The following TENM3 variants were observed in gnomAD, a reference collection of about 807,000 sequenced individuals.
TENM3 encodes the protein teneurin transmembrane protein 3, also known as teneurin-3.
TENM3 carries 63 observed loss-of-function variants against 255.1 expected under a neutral mutation model. That is an observed-to-expected ratio of 0.25 (90% confidence interval 0.20 to 0.30). The LOEUF (loss-of-function observed/expected upper bound fraction) is 0.30. Ranked by LOEUF, TENM3 falls within the 10% of genes least tolerant of loss-of-function variation. The pLI is 1.00. For missense variants in TENM3, 2,929 were observed against 3,461.1 expected, an observed-to-expected ratio of 0.85 and a Z score of 3.86; for synonymous variants, 1,306 against 1,322.3, an observed-to-expected ratio of 0.99 and a Z score of 0.27.
intron 2 of TENM3, among the ~76,000 whole-genome samples, chr4:182,335,494 CAAAAAAAAA>C (rs372965020): frequency 7.6e-5 from 4 of 52,400 alleles, no homozygotes; most frequent in Admixed American, 2.8e-4. Flanking sequence ...GACTCCGCCT[CAAAAAAAAA>C]AAAAAAAAAA....
chr4:181,746,268 AGAGT>A, the TENM3 span, among the ~76,000 whole-genome samples: 1 of 152,136 alleles, frequency 6.6e-6, no homozygotes, highest in Non-Finnish European at 1.5e-5. Flanking sequence ...TGGTTAAAGA[AGAGT>A]GGAGGAGGCT....
At chr4:182,452,204 C>A (rs1252633261) in intron 3 of TENM3, among the ~76,000 whole-genome samples, 1 of 152,124 alleles carries the variant, frequency 6.6e-6, no homozygotes, top group African/African-American at 2.4e-5. Context: ...ATAGGATGTT[C>A]TTCCTTAAGG....
At chr4:181,903,862 G>T in the TENM3 span, among the ~76,000 whole-genome samples, 1 of 152,068 alleles carries the variant, frequency 6.6e-6, no homozygotes, top group African/African-American at 2.4e-5. Flanking sequence ...GTGACCCAGG[G>T]CTCAATCCTC....
intron 1 of TENM3, among the ~76,000 whole-genome samples, chr4:182,160,065 C>G (rs990195840): frequency 7.4e-5 from 11 of 149,268 alleles, no homozygotes; most frequent in Admixed American, 2.0e-4. Context: ...TGCAGCGGTG[C>G]GATCTCGGCT....
intron 22 of TENM3, among the ~76,000 whole-genome samples, chr4:182,755,796 C>T (rs888479132): frequency 2.6e-5 from 4 of 151,266 alleles, no homozygotes; most frequent in East Asian, 2.0e-4. Flanking sequence ...GCCGAGATCG[C>T]GCCACTGCAC....
chr4:181,964,061 C>T, the TENM3 span, among the ~76,000 whole-genome samples: 69 of 147,274 alleles, frequency 4.7e-4, no homozygotes, highest in Middle Eastern at 0.014. Flanking sequence ...AAGCAATGAC[C>T]TTCCGATTTT....
At chr4:182,498,319 G>T (rs1016182172) in intron 3 of TENM3, among the ~76,000 whole-genome samples, 14 of 152,072 alleles carry the variant, frequency 9.2e-5, no homozygotes, top group African/African-American at 3.4e-4. Flanking sequence ...ATTTAGCTCA[G>T]AAATTAAGGC....
the TENM3 span, among the ~76,000 whole-genome samples, chr4:182,025,264 G>A: frequency 2.6e-5 from 4 of 152,174 alleles, no homozygotes; most frequent in African/African-American, 4.8e-5. Context: ...TCCTGACCTC[G>A]TGATCCGCCT....
At chr4:182,153,014 T>C (rs13115847) in intron 1 of TENM3, among the ~76,000 whole-genome samples, 44,645 of 151,596 alleles carry the variant, frequency 0.29, 7,273 homozygotes, top group African/African-American at 0.41. Context: ...TAAAGAAACC[T>C]TAATAATTTA....
chr4:181,603,951 G>T, the TENM3 span, among the ~76,000 whole-genome samples: 1 of 152,202 alleles, frequency 6.6e-6, no homozygotes, highest in Non-Finnish European at 1.5e-5. Context: ...TTCGTTAACA[G>T]ATAGGAAGGC....
intron 3 of TENM3, among the ~76,000 whole-genome samples, chr4:182,463,174 A>G (rs960073066): frequency 6.6e-6 from 1 of 152,170 alleles, no homozygotes; most frequent in African/African-American, 2.4e-5. Flanking sequence ...AGAAAAATGA[A>G]AATTTTAATT....
the TENM3 span, among the ~76,000 whole-genome samples, chr4:181,559,118 T>C: frequency 6.6e-6 from 1 of 152,050 alleles, no homozygotes; most frequent in Non-Finnish European, 1.5e-5. Flanking sequence ...TGATATACAA[T>C]TCCAGTGAGT....
chr4:182,642,165 C>T (rs1212008035), intron 5 of TENM3, among the ~76,000 whole-genome samples: 4 of 152,194 alleles, frequency 2.6e-5, no homozygotes, highest in East Asian at 1.9e-4. Flanking sequence ...GGCAGCTGAT[C>T]GTGACGGTTA....
intron 3 of TENM3, among the ~76,000 whole-genome samples, chr4:182,484,850 A>C (rs1403151234): frequency 2.0e-5 from 3 of 152,176 alleles, no homozygotes; most frequent in African/African-American, 7.2e-5. Context: ...CTTGTTAAAA[A>C]ATTCAGTACA....
chr4:182,346,988 G>A, intron 3 of TENM3, 59 bp downstream of exon 3: 1 of 953,412 alleles, frequency 1.0e-6, no homozygotes, highest in East Asian at 4.4e-5. Flanking sequence ...TGTTTTGGTT[G>A]ACTCCGCGGG....
rs535311481 is a variant in TENM3, at chr4:182,443,588, C to G, written c.511+96659C>G. On this transcript the variant is annotated intron_variant, in intron 3 of 27. Coordinates refer to ENST00000511685, the MANE Select transcript of TENM3 (RefSeq NM_001080477.4). ...CCTGCCTCTCTCCTGCTCTCACCAC[C>G]AGGTAGGAATGATGTCCCTACCTCA... Among the ~76,000 whole-genome samples the G allele has an allele frequency of 3.4e-4, 52 of 152,272 alleles. 1 individual carries two copies. The South Asian group carries it at 0.011, about 32-fold the overall frequency.
the TENM3 span, among the ~76,000 whole-genome samples, chr4:181,718,005 C>CATCAGATAACT: frequency 2.0e-5 from 3 of 152,158 alleles, no homozygotes; most frequent in Non-Finnish European, 2.9e-5. Flanking sequence ...CTGCAAGATA[C>CATCAGATAACT]ATCAGATAAC....
At chr4:181,879,202 A>T in the TENM3 span, among the ~76,000 whole-genome samples, 3 of 152,210 alleles carry the variant, frequency 2.0e-5, no homozygotes, top group African/African-American at 7.2e-5. Context: ...ACATAAATTC[A>T]GAAGAATAAT....
the TENM3 span, among the ~76,000 whole-genome samples, chr4:181,635,291 G>T: frequency 6.6e-6 from 1 of 152,084 alleles, no homozygotes; most frequent in Non-Finnish European, 1.5e-5. Flanking sequence ...TAAATACCTG[G>T]TATGCATTTA....
Sources: allele counts gnomAD v4.1 joint callset (sites outside exome capture counted in the v4.1 genomes callset), GRCh38; gene constraint gnomAD v4.1.1; transcripts MANE v1.5; gene names NCBI Gene and HGNC (gene_info 2026-07-23, HGNC 2026-07-21).